MCMBP: variants seen among roughly 807,000 people sequenced by gnomAD.
The protein encoded by MCMBP is mini-chromosome maintenance complex-binding protein.
In MCMBP, 31 loss-of-function variants were observed where a neutral mutation model predicts 81.3. The observed-to-expected ratio is 0.38, with a 90% CI of 0.29 to 0.51. The LOEUF (loss-of-function observed/expected upper bound fraction) is 0.51, where lower values mean the gene tolerates loss of function less well. Among genes scored for constraint, MCMBP ranks in the 20% least tolerant of loss-of-function variants. The pLI, the probability that MCMBP is intolerant of heterozygous loss-of-function variation, is 0.87. For synonymous variants in MCMBP, 267 were observed against 275.9 expected (o/e 0.97, Z 0.32); for missense variants, 645 against 772.1 (o/e 0.84, Z 1.95).
intron 5 of MCMBP, among the ~76,000 whole-genome samples, chr10:119,855,641 A>G (rs1853011032): frequency 6.6e-6 from 1 of 152,136 alleles, no homozygotes; most frequent in Non-Finnish European, 1.5e-5. Flanking sequence ...ACTGCACTCC[A>G]GCTTGGGTGA....
At chr10:119,865,684 T>C (rs879739357) in intron 1 of MCMBP, among the ~76,000 whole-genome samples, 1 of 152,196 alleles carries the variant, frequency 6.6e-6, no homozygotes, top group Non-Finnish European at 1.5e-5. Flanking sequence ...AGTAGCAGTA[T>C]TTATAACAGC....
At chr10:119,857,239 A>T in intron 5 of MCMBP, 99 bp downstream of exon 5, 1 of 826,042 alleles carries the variant, frequency 1.2e-6, no homozygotes, top group Non-Finnish European at 1.9e-6. Flanking sequence ...AATGAAACAC[A>T]CTTTATTAAA....
intron 14 of MCMBP, among the ~76,000 whole-genome samples, chr10:119,834,089 C>G (rs1441520911): frequency 6.6e-6 from 1 of 152,128 alleles, no homozygotes; most frequent in Non-Finnish European, 1.5e-5. Flanking sequence ...GCCTTGAAGA[C>G]CTGTGGGATA....
At position 119,872,653 on chromosome 10, in the gene MCMBP, C is replaced by G. The variant is rs1419628997; in HGVS notation, c.-69G>C. On this transcript the variant is annotated 5_prime_UTR_variant, in exon 1 of 16. Transcript: ENST00000369077. The stretch of plus-strand genomic sequence containing the variant: ...CGCGGGCCGAGCGCGGCCGGGCGGC[C>G]GGCGCCCAGCTCCTCTTCAGCGGCT... The G allele has an allele frequency of 1.2e-6, 1 of 859,424 alleles. No individual in the cohort carries two copies. The highest frequency in any genetic ancestry group is 1.5e-6 in the Non-Finnish European group (1 of 676,764). 53.2% of individuals were successfully genotyped at this position (859,424 alleles called of 1,614,324 possible).
chr10:119,839,664 A>G (rs1474358389), intron 11 of MCMBP, among the ~76,000 whole-genome samples: 1 of 152,216 alleles, frequency 6.6e-6, no homozygotes, highest in African/African-American at 2.4e-5. Context: ...TGCATGGATA[A>G]AAGATCCTTT....
chr10:119,840,612 C>T (rs1323789380), intron 11 of MCMBP, among the ~76,000 whole-genome samples: 1 of 152,158 alleles, frequency 6.6e-6, no homozygotes, highest in East Asian at 1.9e-4. Flanking sequence ...AAGGGAGTTA[C>T]TACAATTGTT....
chr10:119,837,806 G>C (rs1452460414), intron 12 of MCMBP, among the ~76,000 whole-genome samples: 2 of 151,974 alleles, frequency 1.3e-5, no homozygotes, highest in South Asian at 2.1e-4. Flanking sequence ...AATTATATTA[G>C]ATCTTTTCTA....
At chr10:119,840,134 A>G (rs1852384255) in intron 11 of MCMBP, among the ~76,000 whole-genome samples, 1 of 152,242 alleles carries the variant, frequency 6.6e-6, no homozygotes, top group Non-Finnish European at 1.5e-5. Flanking sequence ...AAATATAATC[A>G]TAACGTGAAA....
intron 14 of MCMBP, among the ~76,000 whole-genome samples, chr10:119,834,861 CAAAAA>C (rs71019725): frequency 1.9e-4 from 13 of 67,304 alleles, no homozygotes; most frequent in African/African-American, 5.1e-4. Flanking sequence ...GACCCTGTCT[CAAAAA>C]AAAAAAAAAA....
chr10:119,839,826 T>G (rs1029618990), intron 11 of MCMBP, among the ~76,000 whole-genome samples: 19 of 152,332 alleles, frequency 1.2e-4, no homozygotes, highest in African/African-American at 4.1e-4. Flanking sequence ...CTGCAAAGGC[T>G]ATCGAAACCA....
At chr10:119,844,338 T>C (rs1438196327) in intron 8 of MCMBP, among the ~76,000 whole-genome samples, 6 of 152,240 alleles carry the variant, frequency 3.9e-5, no homozygotes, top group Non-Finnish European at 7.3e-5. Flanking sequence ...ATAGAATCTA[T>C]AGACACTGAA....
At position 119,853,105 on chromosome 10, in the gene MCMBP, A is replaced by G; in HGVS notation, c.519T>C (p.Asp173=). 1.2e-6 allele frequency: 2 copies of G among 1,614,190 alleles called. No homozygotes were observed. Among genetic ancestry groups the G allele is most frequent in the South Asian group, 1.1e-5 (1 of 91,088 alleles). The change falls in exon 6 of 16, where the codon GAT becomes GAC. Residue 173 remains aspartate (D), a synonymous_variant. Coordinates refer to ENST00000369077, the MANE Select transcript of MCMBP (RefSeq NM_001256378.2). ...TCTGCTTATTGGGCTGTAGGTCCAT[A>G]TCGTCATCATCTTCATAACTCCTCT... is the stretch of plus-strand genomic sequence containing the variant. ...RHKRSYEDDD[D]MDLQPNKQKD...
At chr10:119,854,952 CAA>C (rs748009891) in intron 5 of MCMBP, among the ~76,000 whole-genome samples, 11 of 144,264 alleles carry the variant, frequency 7.6e-5, no homozygotes, top group African/African-American at 1.8e-4. Flanking sequence ...GACTCTGCCT[CAA>C]AAAAAAAAAA....
chr10:119,849,374 T>C, intron 7 of MCMBP, 51 bp downstream of exon 7: 1 of 1,568,426 alleles, frequency 6.4e-7, no homozygotes, highest in Non-Finnish European at 8.6e-7. Context: ...ACTAAGCTAC[T>C]TTCTGAGACA....
Position 119,840,901 on chromosome 10 carries a change from G to A in MCMBP, c.1184C>T (p.Pro395Leu). ...GTGTTCTGTGAAGGTACTATTCCGTGGGCAACCACTCAAGTTAACTGTAAA... is the reference window on the plus strand; with the variant it reads ...GTGTTCTGTGAAGGTACTATTCCGTAGGCAACCACTCAAGTTAACTGTAAA... ...GKFTVNLSGC[P>L]RNSTFTEHLY... The change falls in exon 11 of 16, where the codon CCA becomes CTA. Residue 395 changes from proline (P) to leucine (L), a missense_variant. Pro to Leu is a moderately conservative substitution (Grantham distance 98, BLOSUM62 -3). Coordinates refer to ENST00000369077, the MANE Select transcript of MCMBP (RefSeq NM_001256378.2). 1 of 1,610,970 alleles carries A rather than the reference G, an allele frequency of 6.2e-7. No homozygotes were observed. Among genetic ancestry groups the A allele is most frequent in the Non-Finnish European group, 8.5e-7 (1 of 1,178,840 alleles).
intron 6 of MCMBP, among the ~76,000 whole-genome samples, chr10:119,852,141 A>G (rs1341976074): frequency 7.4e-6 from 1 of 136,022 alleles, no homozygotes; most frequent in Non-Finnish European, 1.5e-5. Context: ...AACAAGAGCG[A>G]AACTCTGTCT....
intron 8 of MCMBP, among the ~76,000 whole-genome samples, chr10:119,845,771 T>C (rs1175871478): frequency 7.2e-5 from 11 of 152,224 alleles, no homozygotes; most frequent in Admixed American, 7.2e-4. Context: ...TGTTTTGTAG[T>C]GGTATGGGTT....
intron 5 of MCMBP, among the ~76,000 whole-genome samples, chr10:119,855,255 T>C (rs1316343091): frequency 6.6e-6 from 1 of 152,158 alleles, no homozygotes; most frequent in African/African-American, 2.4e-5. Context: ...AGTAAAAACC[T>C]AACAAATGAA....
rs1380999552 is a variant in MCMBP at position 119,830,832 on chromosome 10, A to ATAT, written c.*639_*641dup. 6.6e-6 allele frequency: 1 copy of ATAT among 152,644 alleles called. No individual in the cohort carries two copies. The highest frequency in any genetic ancestry group is 2.4e-5 in the African/African-American group (1 of 41,450). 9.5% of individuals were successfully genotyped at this position (152,644 alleles called of 1,614,324 possible). On this transcript the variant is annotated 3_prime_UTR_variant, in exon 16 of 16. Coordinates refer to ENST00000369077, the MANE Select transcript of MCMBP (RefSeq NM_001256378.2). ...CTTATAGTACCCCAGATTTTTGGAAATATTACTACCGGTCCATAAAATACA... is the reference window on the plus strand; with the variant it reads ...CTTATAGTACCCCAGATTTTTGGAAATATTATTACTACCGGTCCATAAAATACA...
Sources: allele counts gnomAD v4.1 joint callset (sites outside exome capture counted in the v4.1 genomes callset), GRCh38; gene constraint gnomAD v4.1.1; transcripts MANE v1.5; gene names NCBI Gene and HGNC (gene_info 2026-07-23, HGNC 2026-07-21).